Variants in CSMD2 observed in about 807,000 individuals in gnomAD.
CSMD2 encodes CUB and Sushi multiple domains 2.
CSMD2 carries 130 observed loss-of-function variants against 398.5 expected under a neutral mutation model. The ratio of observed to expected loss-of-function variants is 0.33; its 90% confidence interval spans 0.28 to 0.38. CSMD2 has a LOEUF of 0.38. Ranked by LOEUF, CSMD2 falls within the 10% of genes least tolerant of loss-of-function variation. CSMD2 has a pLI of 1.00. For synonymous variants in CSMD2, 1,828 were observed against 1,908.5 expected, an observed-to-expected ratio of 0.96 and a Z score of 1.10; for missense variants, 3,829 against 4,764.9, an observed-to-expected ratio of 0.80 and a Z score of 5.78.
intron 19 of CSMD2, among the ~76,000 whole-genome samples, chr1:33,723,475 C>G (rs1264192000): frequency 6.6e-6 from 1 of 152,196 alleles, no homozygotes; most frequent in Non-Finnish European, 1.5e-5. Context: ...CAGTGTCAGC[C>G]ACATGGGTGG....
chr1:33,641,986 T>G (rs555725996), intron 29 of CSMD2, among the ~76,000 whole-genome samples: 38 of 152,160 alleles, frequency 2.5e-4, no homozygotes, highest in Non-Finnish European at 3.4e-4. Flanking sequence ...AGTGGACACT[T>G]GAATTAAGCC....
chr1:33,878,219 C>G (rs970682254), intron 5 of CSMD2: 2 of 152,254 alleles, frequency 1.3e-5, no homozygotes, highest in Non-Finnish European at 2.9e-5. Flanking sequence ...GAAAATCCTG[C>G]TTTGTTTCTT....
At chr1:33,665,277 T>C (rs996278944) in intron 25 of CSMD2, among the ~76,000 whole-genome samples, 2 of 152,202 alleles carry the variant, frequency 1.3e-5, no homozygotes, top group South Asian at 2.1e-4. Flanking sequence ...GTTTGTGGTA[T>C]CCATTTTGGT....
intron 11 of CSMD2, among the ~76,000 whole-genome samples, chr1:33,790,522 T>A (rs1654103486): frequency 1.3e-5 from 2 of 152,206 alleles, no homozygotes; most frequent in Non-Finnish European, 2.9e-5. Flanking sequence ...CTACTGGCAT[T>A]TGGACTGCAA....
intron 25 of CSMD2, among the ~76,000 whole-genome samples, chr1:33,680,497 C>G (rs1644871941): frequency 6.6e-6 from 1 of 152,114 alleles, no homozygotes; most frequent in South Asian, 2.1e-4. Flanking sequence ...TTTGCAGACC[C>G]TTTGCTCAGC....
At chr1:33,744,329 G>A (rs1363171492) in intron 13 of CSMD2, among the ~76,000 whole-genome samples, 1 of 152,144 alleles carries the variant, frequency 6.6e-6, no homozygotes, top group Non-Finnish European at 1.5e-5. Flanking sequence ...TGTGCCATGG[G>A]ATTCTGACAA....
chr1:33,552,814 C>G (rs1029037844), intron 55 of CSMD2, among the ~76,000 whole-genome samples: 1 of 152,012 alleles, frequency 6.6e-6, no homozygotes, highest in Non-Finnish European at 1.5e-5. Context: ...TTAAGGGCTG[C>G]TTGGGAATGA....
chr1:33,934,964 A>C (rs942450053), intron 4 of CSMD2, among the ~76,000 whole-genome samples: 1 of 150,516 alleles, frequency 6.6e-6, no homozygotes, highest in African/African-American at 2.5e-5. Context: ...TGATTACGTC[A>C]CTGCACTCCA....
chr1:33,930,480 C>T (rs1217798156), intron 4 of CSMD2, among the ~76,000 whole-genome samples: 1 of 152,218 alleles, frequency 6.6e-6, no homozygotes, highest in African/African-American at 2.4e-5. Context: ...AGACCGTATT[C>T]CGTCTTCCCC....
At chr1:33,521,951 T>C (rs1293170411) in intron 67 of CSMD2, among the ~76,000 whole-genome samples, 7 of 152,178 alleles carry the variant, frequency 4.6e-5, no homozygotes. Context: ...ATTACTGTGA[T>C]GAAAAACCGC....
chr1:34,111,981 AT>A, intron 1 of CSMD2, among the ~76,000 whole-genome samples: 1 of 133,160 alleles, frequency 7.5e-6, no homozygotes, highest in Admixed American at 8.1e-5. Flanking sequence ...ATTCTTTCAA[AT>A]TCTCTCTCTC....
chr1:33,687,827 A>T (rs1044608343), intron 25 of CSMD2, among the ~76,000 whole-genome samples: 8 of 152,206 alleles, frequency 5.3e-5, no homozygotes, highest in African/African-American at 1.9e-4. Context: ...AATGAGTTAT[A>T]GACTAGAAAT....
intron 15 of CSMD2, among the ~76,000 whole-genome samples, chr1:33,727,939 A>C (rs1373037942): frequency 6.6e-6 from 1 of 151,936 alleles, no homozygotes; most frequent in Non-Finnish European, 1.5e-5. Context: ...CTGGGGGTTG[A>C]CTCCACCTCA....
intron 26 of CSMD2, among the ~76,000 whole-genome samples, chr1:33,661,947 A>G (rs1051339936): frequency 1.4e-5 from 2 of 145,328 alleles, no homozygotes; most frequent in African/African-American, 5.0e-5. Flanking sequence ...CTCCCACCAC[A>G]CACACAGTGG....
chr1:33,525,044 C>G lies in CSMD2; in HGVS notation c.10235-1G>C. On this transcript the variant is annotated splice_acceptor_variant, in intron 65 of 70. Coordinates refer to ENST00000373381, the MANE Select transcript of CSMD2 (RefSeq NM_001281956.2). LOFTEE classifies it high-confidence loss of function. ...TTCTTGGCAAAAACATCCCCAGGAA[C>G]TAGAGGAATTGAGAAATAGATGTGA... 1 of 1,614,138 alleles carries G rather than the reference C, an allele frequency of 6.2e-7. No individual in the cohort carries two copies. The highest frequency in any genetic ancestry group is 8.5e-7 in the Non-Finnish European group (1 of 1,180,000).
At chr1:33,759,183 G>A (rs1649449830) in intron 13 of CSMD2, among the ~76,000 whole-genome samples, 1 of 152,094 alleles carries the variant, frequency 6.6e-6, no homozygotes, top group Non-Finnish European at 1.5e-5. Context: ...AGTCTTGTGA[G>A]GGACACTCCA....
chr1:33,684,246 T>C (rs746634241), intron 25 of CSMD2, among the ~76,000 whole-genome samples: 22 of 152,238 alleles, frequency 1.4e-4, no homozygotes, highest in Non-Finnish European at 2.8e-4. Flanking sequence ...TGCTGCATGG[T>C]GACCAAAATC....
rs779963300 is a variant in CSMD2, at chr1:33,626,466, G to A, written c.5296+20C>T. 4.9e-5 allele frequency: 76 copies of A among 1,558,136 alleles called. 4 individuals are homozygous for A. The South Asian group carries it at 7.4e-4, about 15-fold the overall frequency. The stretch of plus-strand genomic sequence containing the variant: ...GAACCGAGATCACCTTCCTACCTCC[G>A]GCGTCCATGTCCTCCATACCTTGGT... On this transcript the variant is annotated intron_variant, in intron 33 of 70. Transcript: ENST00000373381.
chr1:33,727,107 G>GC (rs1646559885), intron 15 of CSMD2, among the ~76,000 whole-genome samples: 1 of 152,216 alleles, frequency 6.6e-6, no homozygotes, highest in Non-Finnish European at 1.5e-5. Flanking sequence ...AGCTCAGGGT[G>GC]CCGGTACTCC....
Sources: gnomAD v4.1 joint callset for allele counts (sites outside exome capture counted in the v4.1 genomes callset) on GRCh38, gnomAD v4.1.1 for gene constraint, MANE v1.5 for transcripts, NCBI Gene and HGNC (gene_info 2026-07-23, HGNC 2026-07-21) for gene names.